The following NTNG2 variants were observed in gnomAD, a reference collection of about 807,000 sequenced individuals.
NTNG2 encodes the protein netrin G2.
Under a neutral mutation model 47.6 loss-of-function variants are expected in NTNG2, and 15 were observed. The observed-to-expected ratio is 0.32, with a 90% CI of 0.21 to 0.49. The LOEUF (loss-of-function observed/expected upper bound fraction) is 0.49, where lower values mean the gene tolerates loss of function less well. Among genes scored for constraint, NTNG2 ranks in the 20% least tolerant of loss-of-function variants. The pLI is 0.99. For synonymous variants in NTNG2, 307 were observed against 324.6 expected (o/e 0.95, Z 0.58); for missense variants, 578 against 764.6 (o/e 0.76, Z 2.88).
intron 7 of NTNG2, 67 bp downstream of exon 7, chr9:132,241,111 G>A (rs1342681737): frequency 1.3e-6 from 2 of 1,488,522 alleles, no homozygotes; most frequent in Admixed American, 4.4e-5. Flanking sequence ...CGAGGCAGTG[G>A]GCGGGGCCTA....
At chr9:132,219,963 G>A (rs1005736784) in intron 3 of NTNG2, among the ~76,000 whole-genome samples, 3 of 152,186 alleles carry the variant, frequency 2.0e-5, no homozygotes, top group African/African-American at 2.4e-5. Context: ...CACCAGCAGC[G>A]TATGAGGGTT....
intron 3 of NTNG2, among the ~76,000 whole-genome samples, chr9:132,209,497 G>C: frequency 6.6e-6 from 1 of 152,208 alleles, no homozygotes; most frequent in East Asian, 1.9e-4. Flanking sequence ...CAGAGACAGG[G>C]GGAATCTGGC....
intron 2 of NTNG2, among the ~76,000 whole-genome samples, chr9:132,188,827 C>T (rs1005619239): frequency 6.6e-6 from 1 of 152,156 alleles, no homozygotes; most frequent in Non-Finnish European, 1.5e-5. Context: ...CCGAAGATTT[C>T]CCGAGTCCCT....
At chr9:132,234,209 A>G (rs1841458478) in intron 5 of NTNG2, among the ~76,000 whole-genome samples, 1 of 151,978 alleles carries the variant, frequency 6.6e-6, no homozygotes, top group African/African-American at 2.4e-5. Context: ...TTGTCTTTTT[A>G]GAGAGACAGG....
chr9:132,234,608 C>G (rs1431633736), intron 5 of NTNG2, among the ~76,000 whole-genome samples: 1 of 152,250 alleles, frequency 6.6e-6, no homozygotes, highest in Non-Finnish European at 1.5e-5. Context: ...ATGTTTCTCC[C>G]GCCTGCCAAT....
At chr9:132,189,064 C>CTTTTTTTT (rs1179386814) in intron 2 of NTNG2, among the ~76,000 whole-genome samples, 3 of 61,740 alleles carry the variant, frequency 4.9e-5, no homozygotes, top group Admixed American at 2.9e-4. Flanking sequence ...GGCTTTAAGC[C>CTTTTTTTT]TTTCTTTTTT....
intron 2 of NTNG2, among the ~76,000 whole-genome samples, chr9:132,185,544 C>A (rs912364225): frequency 6.6e-6 from 1 of 152,064 alleles, no homozygotes. Flanking sequence ...AAGAGCAGGG[C>A]GCTGTTCCTA....
In NTNG2 at chr9:132,163,516, C is replaced by A. The variant is rs1019154335; in HGVS notation, c.-484+1277C>A. 6.6e-6 allele frequency among the ~76,000 whole-genome samples: 1 copy of A among 152,124 alleles called. No homozygotes were observed. The highest frequency in any genetic ancestry group is 1.5e-5 in the Non-Finnish European group (1 of 67,986). Reference sequence around the variant, plus strand: ...GCAGAGGACGGGAAGGTGACCCCGCCGGCCAAGCTCCCTTTCCCTCCCGGC... The same window carrying A: ...GCAGAGGACGGGAAGGTGACCCCGCAGGCCAAGCTCCCTTTCCCTCCCGGC... On this transcript the variant is annotated intron_variant, in intron 1 of 7. Transcript: ENST00000393229. The surrounding 1 kb of genome is among the most constrained non-coding windows in gnomAD (Gnocchi z 7.2).
At chr9:132,235,653 T>C (rs923011689) in intron 5 of NTNG2, among the ~76,000 whole-genome samples, 8 of 151,912 alleles carry the variant, frequency 5.3e-5, no homozygotes, top group African/African-American at 1.9e-4. Flanking sequence ...CCCCCAAGAG[T>C]GGACCAGGCC....
intron 1 of NTNG2, among the ~76,000 whole-genome samples, chr9:132,164,465 G>A (rs1835352983): frequency 6.6e-6 from 1 of 152,352 alleles, no homozygotes; most frequent in East Asian, 1.9e-4. Flanking sequence ...GGTTGTCCCA[G>A]CAGCCAGGAG....
In NTNG2 at chr9:132,231,484, G is replaced by A. The variant is rs1455437724; in HGVS notation, c.1054+889G>A. On this transcript the variant is annotated intron_variant, in intron 5 of 7. Transcript: ENST00000393229. This position sits in a 1 kb window ranked among gnomAD's most constrained non-coding sequence, Gnocchi z 4.1. ...CCCAAGTTGTCCCTCCCGGACCCAG[G>A]GGGCCCCTGGCTGGGAAGCCAGTGA... is the stretch of plus-strand genomic sequence containing the variant. The A allele has an allele frequency of 8.4e-6, 3 of 359,128 alleles. No homozygotes were observed. The highest frequency in any genetic ancestry group is 1.6e-5 in the Non-Finnish European group (3 of 181,870). The allele number at this position is 359,128 out of a possible 1,614,324, so 22.2% of individuals were successfully genotyped here. A position where few individuals can be genotyped will look rare whatever the true frequency, so the allele number is the denominator to read the frequency against.
At position 132,214,979 on chromosome 9, in the gene NTNG2, C is replaced by A. The variant is rs927327386; in HGVS notation, c.858-11870C>A. 6.6e-5 allele frequency among the ~76,000 whole-genome samples: 10 copies of A among 151,948 alleles called. No homozygotes were observed. The East Asian group carries it at 1.5e-3, about 24-fold the overall frequency. The stretch of plus-strand genomic sequence containing the variant: ...GCAGCCTCAACCTCCTGGACTCAAG[C>A]GATCCTCCTGCCTCAGCCTCCGAAG... On this transcript the variant is annotated intron_variant, in intron 3 of 7. Transcript: ENST00000393229.
intron 2 of NTNG2, among the ~76,000 whole-genome samples, chr9:132,170,174 G>T (rs1209389872): frequency 6.6e-6 from 1 of 152,188 alleles, no homozygotes; most frequent in East Asian, 1.9e-4. Flanking sequence ...TCAGATGCGG[G>T]GTGCAGACCC....
upstream of NTNG2, chr9:132,161,884 C>G (rs1316426582): frequency 1.3e-5 from 2 of 150,740 alleles, no homozygotes; most frequent in Non-Finnish European, 3.0e-5. This position sits in a 1 kb window ranked among gnomAD's most constrained non-coding sequence, Gnocchi z 7.2. Flanking sequence ...GGCGCCCGAG[C>G]GCGGGTCCTC....
At chr9:132,192,538 C>A (rs1048976720) in intron 2 of NTNG2, among the ~76,000 whole-genome samples, 5 of 152,180 alleles carry the variant, frequency 3.3e-5, no homozygotes, top group Non-Finnish European at 7.3e-5. Flanking sequence ...TTGCAGTGAG[C>A]CGAGATTGTG....
chr9:132,243,693 C>G lies in NTNG2; in HGVS notation c.*1582C>G, dbSNP rs1196919393. 6.6e-6 allele frequency: 1 copy of G among 152,324 alleles called. No individual in the cohort carries two copies. The highest frequency in any genetic ancestry group is 1.5e-5 in the Non-Finnish European group (1 of 68,098). The allele number at this position is 152,324 out of a possible 1,614,324, so 9.4% of individuals were successfully genotyped here. A position where few individuals can be genotyped will look rare whatever the true frequency, so the allele number is the denominator to read the frequency against. ...TCTTTCCCAGCTGCGAGGTTTAGAC[C>G]TGGGTCCTTCCCTTGAGTCCCCAAA... is the stretch of plus-strand genomic sequence containing the variant. On this transcript the variant is annotated 3_prime_UTR_variant, in exon 8 of 8. Coordinates refer to ENST00000393229, the MANE Select transcript of NTNG2 (RefSeq NM_032536.4).
intron 3 of NTNG2, among the ~76,000 whole-genome samples, chr9:132,209,382 G>C (rs1564419922): frequency 6.6e-6 from 1 of 152,218 alleles, no homozygotes. Flanking sequence ...GCGAGACTGG[G>C]CGCGGGGAGT....
chr9:132,239,620 ATCTG>A (rs1397208839), intron 6 of NTNG2, among the ~76,000 whole-genome samples: 2 of 151,970 alleles, frequency 1.3e-5, no homozygotes, highest in Admixed American at 6.5e-5. Flanking sequence ...GCCACTGAGC[ATCTG>A]TCTGGGGCTG....
chr9:132,241,552 C>T, intron 7 of NTNG2: 1 of 376,824 alleles, frequency 2.7e-6, no homozygotes, highest in Non-Finnish European at 4.8e-6. Context: ...CGGCGTTAGC[C>T]GCGGGCACAG....
Sources: gnomAD v4.1 joint callset for allele counts (sites outside exome capture counted in the v4.1 genomes callset) on GRCh38, gnomAD v4.1.1 for gene constraint, Gnocchi (gnomAD v3.1) non-coding constraint, MANE v1.5 for transcripts, NCBI Gene and HGNC (gene_info 2026-07-23, HGNC 2026-07-21) for gene names.